ATRNL1: variants seen among roughly 807,000 people sequenced by gnomAD.
ATRNL1 encodes attractin-like protein 1.
Under a neutral mutation model 182.7 loss-of-function variants are expected in ATRNL1, and 95 were observed. That is an observed-to-expected ratio of 0.52 (90% CI 0.44 to 0.62). The LOEUF (loss-of-function observed/expected upper bound fraction) is 0.62. ATRNL1 is among the 20% of genes least tolerant of loss of function. ATRNL1 has a pLI of 0.00. For missense variants in ATRNL1, 1,471 were observed against 1,679.5 expected, an observed-to-expected ratio of 0.88 and a Z score of 2.17; for synonymous variants, 576 against 568.3, an observed-to-expected ratio of 1.01 and a Z score of -0.19.
At chr10:115,546,346 T>C (rs190608425) in intron 25 of ATRNL1, among the ~76,000 whole-genome samples, 148 of 151,910 alleles carry the variant, frequency 9.7e-4, no homozygotes, top group African/African-American at 3.4e-3. Flanking sequence ...GGGCAGATCA[T>C]GAGGTCAGGA....
At chr10:115,464,130 G>C (rs555484327) in intron 22 of ATRNL1, among the ~76,000 whole-genome samples, 1 of 152,028 alleles carries the variant, frequency 6.6e-6, no homozygotes, top group East Asian at 1.9e-4. Context: ...CCAGAAAAGT[G>C]TTCTGTGAAG....
rs1339351961 is a variant in ATRNL1, at chr10:115,194,536, G to A, written c.1349-21161G>A. On this transcript the variant is annotated intron_variant, in intron 8 of 28. Coordinates refer to ENST00000355044, the MANE Select transcript of ATRNL1 (RefSeq NM_207303.4). ...CTTGCTTTTTTTTTGTTTGTTTGTT[G>A]CCATTGGCATGGAATATCTTTTTTC... is the stretch of plus-strand genomic sequence containing the variant. 3.3e-5 allele frequency among the ~76,000 whole-genome samples: 5 copies of A among 151,262 alleles called. No individual in the cohort carries two copies. The Admixed American group carries it at 3.3e-4, about 10-fold the overall frequency.
At chr10:115,785,768 A>G (rs1949381681) in intron 27 of ATRNL1, among the ~76,000 whole-genome samples, 1 of 152,190 alleles carries the variant, frequency 6.6e-6, no homozygotes, top group South Asian at 2.1e-4. Context: ...GCCTCAATTT[A>G]TCTCTTCCCT....
chr10:115,258,592 C>T (rs898329574), intron 10 of ATRNL1, among the ~76,000 whole-genome samples: 2 of 152,016 alleles, frequency 1.3e-5, no homozygotes, highest in African/African-American at 4.8e-5. Context: ...TTTGTTATTA[C>T]CTACCTTCTG....
chr10:115,565,535 A>G lies in ATRNL1; in HGVS notation c.3795+15999A>G, dbSNP rs1477032110. On this transcript the variant is annotated intron_variant, in intron 26 of 28. Coordinates refer to ENST00000355044, the MANE Select transcript of ATRNL1 (RefSeq NM_207303.4). The stretch of plus-strand genomic sequence containing the variant: ...GTAATGGTACAGACTTACGGCATTC[A>G]AGTTCTGGCTTTCTACCTATGCATT... Among the ~76,000 whole-genome samples the G allele has an allele frequency of 2.6e-5, 4 of 152,008 alleles. No homozygotes were observed. In the East Asian group the frequency reaches 7.7e-4, roughly 29 times the overall value.
rs537357670 is a variant in ATRNL1 at position 115,829,942 on chromosome 10, T to C, written c.3904-17935T>C. ...AGGAACTCATCTTTATCTTGGTGTG[T>C]GCAGTGCAAAACACTTAATGTAGGG... On this transcript the variant is annotated intron_variant, in intron 27 of 28. Coordinates refer to ENST00000355044, the MANE Select transcript of ATRNL1 (RefSeq NM_207303.4). Among the ~76,000 whole-genome samples the C allele has an allele frequency of 2.2e-4, 34 of 152,338 alleles. No homozygotes were observed. In the South Asian group the frequency reaches 6.6e-3, roughly 30 times the overall value.
intron 27 of ATRNL1, among the ~76,000 whole-genome samples, chr10:115,768,341 C>T (rs868919068): frequency 2.0e-5 from 3 of 151,870 alleles, no homozygotes; most frequent in Non-Finnish European, 4.4e-5. Context: ...CTTAAAAAAC[C>T]CTTTTTCTTT....
At chr10:115,140,845 C>A (rs1462489071) in intron 5 of ATRNL1, among the ~76,000 whole-genome samples, 1 of 152,076 alleles carries the variant, frequency 6.6e-6, no homozygotes, top group Non-Finnish European at 1.5e-5. Context: ...TGCCTCTGAT[C>A]TTTATTTAAA....
intron 21 of ATRNL1, among the ~76,000 whole-genome samples, chr10:115,460,478 G>GT (rs1847740851): frequency 6.6e-6 from 1 of 151,804 alleles, no homozygotes; most frequent in Non-Finnish European, 1.5e-5. Context: ...AGCTAATCCT[G>GT]TTTGCTGTAC....
intron 17 of ATRNL1, among the ~76,000 whole-genome samples, chr10:115,308,622 AAAAT>A (rs1242277584): frequency 6.6e-6 from 1 of 152,162 alleles, no homozygotes; most frequent in Non-Finnish European, 1.5e-5. Context: ...TGAAAAGCCA[AAAAT>A]AAATAAACAG....
At chr10:115,859,277 T>C (rs1423893322) in intron 28 of ATRNL1, among the ~76,000 whole-genome samples, 2 of 152,024 alleles carry the variant, frequency 1.3e-5, no homozygotes, top group African/African-American at 4.8e-5. Flanking sequence ...ATGGAAGGGT[T>C]CTGAGTCTCA....
chr10:115,842,186 C>CTGCTGACTTACTTCTGT (rs1950825659), intron 27 of ATRNL1, among the ~76,000 whole-genome samples: 8 of 152,164 alleles, frequency 5.3e-5, no homozygotes, highest in Admixed American at 3.9e-4. Flanking sequence ...TGTCAAAATA[C>CTGCTGACTTACTTCTGT]TTATTACTGC....
intron 26 of ATRNL1, among the ~76,000 whole-genome samples, chr10:115,659,731 T>C (rs1018817603): frequency 6.6e-6 from 1 of 152,082 alleles, no homozygotes; most frequent in African/African-American, 2.4e-5. Context: ...TCTCAAAGAA[T>C]GTGAAATCCA....
chr10:115,407,985 C>CTTTT lies in ATRNL1; in HGVS notation c.3269+13259_3269+13262dup, dbSNP rs71010022. ...CTCTTTGTGGTTTTGATTTGCATTT[C>CTTTT]TTTTTTTTTTTTTTTTTTTTTTTTT... On this transcript the variant is annotated intron_variant, in intron 20 of 28. Transcript: ENST00000355044. Among the ~76,000 whole-genome samples, 55 of 97,804 alleles carry CTTTT rather than the reference C, an allele frequency of 5.6e-4. 1 individual carries two copies. Among genetic ancestry groups the CTTTT allele is most frequent in the East Asian group, 1.3e-3 (4 of 3,068 alleles). 64.2% of individuals were successfully genotyped at this position (97,804 alleles called of 152,430 possible). A position where few individuals can be genotyped will look rare whatever the true frequency, so the allele number is the denominator to read the frequency against.
intron 19 of ATRNL1, among the ~76,000 whole-genome samples, chr10:115,351,025 ATTAC>A (rs1856224454): frequency 6.6e-6 from 1 of 151,698 alleles, no homozygotes; most frequent in Non-Finnish European, 1.5e-5. Flanking sequence ...TTTAAATGGG[ATTAC>A]TTTTTGATTT....
chr10:115,501,771 A>T (rs966469947), intron 24 of ATRNL1, among the ~76,000 whole-genome samples: 1 of 152,186 alleles, frequency 6.6e-6, no homozygotes, highest in Non-Finnish European at 1.5e-5. Flanking sequence ...TGTTTTAAGC[A>T]AAAAGTTAAA....
intron 10 of ATRNL1, among the ~76,000 whole-genome samples, chr10:115,263,272 T>C (rs1851468415): frequency 6.6e-6 from 1 of 151,748 alleles, no homozygotes; most frequent in Non-Finnish European, 1.5e-5. Flanking sequence ...TCACTAATCA[T>C]TAGGGAATGC....
chr10:115,218,351 T>C (rs554980175), intron 9 of ATRNL1, among the ~76,000 whole-genome samples: 10 of 152,290 alleles, frequency 6.6e-5, no homozygotes, highest in African/African-American at 2.4e-4. Flanking sequence ...AATCTCAGGA[T>C]ATTCTGCCTT....
chr10:115,346,241 C>A (rs1855968606), intron 19 of ATRNL1, among the ~76,000 whole-genome samples: 1 of 152,214 alleles, frequency 6.6e-6, no homozygotes, highest in South Asian at 2.1e-4. Context: ...AACTCTATAA[C>A]CATTAAAAAA....
Sources: gnomAD v4.1 joint callset for allele counts (sites outside exome capture counted in the v4.1 genomes callset) on GRCh38, gnomAD v4.1.1 for gene constraint, MANE v1.5 for transcripts, NCBI Gene and HGNC (gene_info 2026-07-23, HGNC 2026-07-21) for gene names.